Variants in ZNF195 observed in about 807,000 individuals in gnomAD.
The protein encoded by ZNF195 is hypoxia-regulated factor-1.
A neutral mutation model predicts 19.5 loss-of-function variants in ZNF195; 11 were observed. The ratio of observed to expected loss-of-function variants is 0.57; its 90% CI spans 0.36 to 0.94. The LOEUF (loss-of-function observed/expected upper bound fraction) is 0.94, where lower values mean the gene tolerates loss of function less well. ZNF195 is among the 40% of genes least tolerant of loss of function. The probability of loss-of-function intolerance (pLI) is 0.01; values close to 1 mark genes in which losing one functional copy is unlikely to be tolerated. For missense variants in ZNF195, 582 were observed against 709.0 expected (o/e 0.82, Z 2.03); for synonymous variants, 214 against 248.1 (o/e 0.86, Z 1.29).
chr11:3,366,852 C>G (rs1848913192), intron 3 of ZNF195: 1 of 432,190 alleles, frequency 2.3e-6, no homozygotes, highest in East Asian at 7.3e-5. Context: ...ATCACTTGAG[C>G]CCAGGAGTCC....
intron 1 of ZNF195, among the ~76,000 whole-genome samples, chr11:3,378,196 G>T (rs1849560293): frequency 6.6e-6 from 1 of 152,056 alleles, no homozygotes; most frequent in African/African-American, 2.4e-5. Context: ...TGTAATCTCA[G>T]CTACTCGGGA....
intron 1 of ZNF195, among the ~76,000 whole-genome samples, chr11:3,372,822 C>G (rs1008188177): frequency 2.0e-5 from 3 of 152,244 alleles, no homozygotes; most frequent in Admixed American, 6.5e-5. Context: ...ACCTCTGCCT[C>G]CCTGGTTCAG....
intron 3 of ZNF195, among the ~76,000 whole-genome samples, chr11:3,363,064 C>T (rs2133677861): frequency 6.6e-6 from 1 of 152,272 alleles, no homozygotes; most frequent in East Asian, 1.9e-4. Flanking sequence ...GAACTGGGAA[C>T]CTATGACAAG....
At chr11:3,363,802 C>G (rs1848740308) in intron 3 of ZNF195, among the ~76,000 whole-genome samples, 1 of 152,122 alleles carries the variant, frequency 6.6e-6, no homozygotes, top group Non-Finnish European at 1.5e-5. Flanking sequence ...CAGTTTGGTA[C>G]TGGTATAAAG....
At chr11:3,371,373 GA>G (rs1375169264) in intron 2 of ZNF195, among the ~76,000 whole-genome samples, 1 of 149,984 alleles carries the variant, frequency 6.7e-6, no homozygotes, top group African/African-American at 2.4e-5. Context: ...CAGATCAGCT[GA>G]AAAAAAAGGA....
intron 1 of ZNF195, among the ~76,000 whole-genome samples, chr11:3,372,753 A>G (rs747482669): frequency 3.9e-5 from 6 of 152,172 alleles, no homozygotes; most frequent in Non-Finnish European, 7.3e-5. Context: ...TTGTCTTGAG[A>G]CTGAGTCTCA....
At chr11:3,368,809 A>G (rs759938763) in intron 3 of ZNF195, 19 of 455,014 alleles carry the variant, frequency 4.2e-5, no homozygotes, top group Non-Finnish European at 7.5e-5. Context: ...TCACAAGTTC[A>G]CGAAGAAGAT....
In ZNF195 at chr11:3,373,757, A is replaced by G. The variant is rs1044063230; in HGVS notation, c.4-2054T>C. The G allele has an allele frequency of 1.1e-5, 9 of 843,544 alleles. No homozygotes were observed. The African/African-American group carries it at 1.5e-4, about 14-fold the overall frequency. The allele number at this position is 843,544 out of a possible 1,614,324, so 52.3% of individuals were successfully genotyped here. On this transcript the variant is annotated intron_variant, in intron 1 of 5. Coordinates refer to ENST00000399602, the MANE Select transcript of ZNF195 (RefSeq NM_001130520.3). ...AGACCAAGAAATACAGAAAAAGTCCACGCTTTTCTGTTCTTTATAAAAGAG... is the reference window on the plus strand; with the variant it reads ...AGACCAAGAAATACAGAAAAAGTCCGCGCTTTTCTGTTCTTTATAAAAGAG...
Position 3,366,028 on chromosome 11 carries a change from C to T in ZNF195, c.227-4139G>A, listed in dbSNP as rs1039356723. On this transcript the variant is annotated intron_variant, in intron 3 of 5. Transcript: ENST00000399602. Reference sequence around the variant, plus strand: ...ATCCCAGCACTTTGGGAGGCCGAGGCGGGTGGATCACGAGGTCAGGAGATC... The same window carrying T: ...ATCCCAGCACTTTGGGAGGCCGAGGTGGGTGGATCACGAGGTCAGGAGATC... Among the ~76,000 whole-genome samples, 41 of 151,802 alleles carry T rather than the reference C, an allele frequency of 2.7e-4. 2 individuals carry two copies. Among genetic ancestry groups the T allele is most frequent in the Admixed American group, 1.8e-3 (27 of 15,252 alleles).
chr11:3,373,670 A>C (rs772110566), intron 1 of ZNF195: 8 of 1,539,892 alleles, frequency 5.2e-6, no homozygotes, highest in African/African-American at 2.7e-5. Flanking sequence ...CATCGTGAGA[A>C]TATGCCTTTA....
intron 1 of ZNF195, among the ~76,000 whole-genome samples, chr11:3,375,869 G>A (rs1345928570): frequency 3.3e-5 from 5 of 152,118 alleles, no homozygotes; most frequent in African/African-American, 1.2e-4. Flanking sequence ...CCTGAGCCCC[G>A]TCTGCACAGT....
chr11:3,367,645 TATA>T lies in ZNF195; in HGVS notation c.226+3327_226+3329del, dbSNP rs1186115796. Among the ~76,000 whole-genome samples the T allele has an allele frequency of 6.6e-5, 10 of 152,182 alleles. 2 individuals are homozygous for T. Among genetic ancestry groups the T allele is most frequent in the African/African-American group, 2.4e-4 (10 of 41,376 alleles). On this transcript the variant is annotated intron_variant, in intron 3 of 5. Coordinates refer to ENST00000399602, the MANE Select transcript of ZNF195 (RefSeq NM_001130520.3). ...AACTTTTAGAAGCAAGGAATAGCCT[TATA>T]TTTCTAAATAAAGAGAAAAATATAA... is the stretch of plus-strand genomic sequence containing the variant.
chr11:3,378,836 G>T (rs547216458), intron 1 of ZNF195, among the ~76,000 whole-genome samples: 2 of 152,334 alleles, frequency 1.3e-5, no homozygotes, highest in South Asian at 4.1e-4. Context: ...CTGCCGGGGG[G>T]ACATGGCTCT....
chr11:3,370,908 G>T, intron 3 of ZNF195, 67 bp downstream of exon 3: 1 of 1,532,308 alleles, frequency 6.5e-7, no homozygotes, highest in South Asian at 1.1e-5. Flanking sequence ...CACATTTTAA[G>T]GTCTGGCTTC....
intron 1 of ZNF195, among the ~76,000 whole-genome samples, chr11:3,374,607 G>A (rs1390851647): frequency 2.0e-5 from 3 of 152,236 alleles, no homozygotes; most frequent in Admixed American, 6.5e-5. Context: ...GGCACCTCAC[G>A]TCATGTGAGT....
Position 3,367,661 on chromosome 11 carries a change from G to C in ZNF195, c.226+3314C>G, listed in dbSNP as rs1848968157. On this transcript the variant is annotated intron_variant, in intron 3 of 5. Transcript: ENST00000399602. ...GAATAGCCTTATATTTCTAAATAAA[G>C]AGAAAAATATAAATTATGTAAAATA... 2.0e-5 allele frequency among the ~76,000 whole-genome samples: 3 copies of C among 151,996 alleles called. 1 individual carries two copies. Among genetic ancestry groups the C allele is most frequent in the Admixed American group, 1.3e-4 (2 of 15,274 alleles).
chr11:3,375,210 T>C (rs932186368), intron 1 of ZNF195, among the ~76,000 whole-genome samples: 1 of 152,126 alleles, frequency 6.6e-6, no homozygotes, highest in Non-Finnish European at 1.5e-5. Context: ...CTACGCAGGA[T>C]TCTGCTCTCT....
chr11:3,372,856 G>A (rs963507458), intron 1 of ZNF195, among the ~76,000 whole-genome samples: 6 of 152,114 alleles, frequency 3.9e-5, no homozygotes, highest in Admixed American at 2.0e-4. Context: ...CTCAGCCTCC[G>A]GAGTAGATGG....
At chr11:3,367,087 T>A in intron 3 of ZNF195, 1 of 317,900 alleles carries the variant, frequency 3.1e-6, no homozygotes, top group Non-Finnish European at 6.3e-6. Flanking sequence ...AAAGCATAAT[T>A]TTCTTAAAAA....
Sources: allele counts gnomAD v4.1 joint callset (sites outside exome capture counted in the v4.1 genomes callset), GRCh38; gene constraint gnomAD v4.1.1; transcripts MANE v1.5; gene names NCBI Gene and HGNC (gene_info 2026-07-23, HGNC 2026-07-21).